PDE3B: variants seen among roughly 807,000 people sequenced by gnomAD.
PDE3B encodes the protein phosphodiesterase 3B.
PDE3B carries 66 observed loss-of-function variants against 116.8 expected under a neutral mutation model. The ratio of observed to expected loss-of-function variants is 0.56; its 90% confidence interval spans 0.46 to 0.69. The LOEUF (loss-of-function observed/expected upper bound fraction) is 0.69. Ranked by LOEUF, PDE3B falls within the 30% of genes least tolerant of loss-of-function variation. The probability of loss-of-function intolerance (pLI) is 0.00; values close to 1 mark genes in which losing one functional copy is unlikely to be tolerated. For synonymous variants in PDE3B, 595 were observed against 533.6 expected, an observed-to-expected ratio of 1.12 and a Z score of -1.59; for missense variants, 1,384 against 1,368.1, an observed-to-expected ratio of 1.01 and a Z score of -0.18.
chr11:14,688,466 T>C (rs890074161), intron 1 of PDE3B, among the ~76,000 whole-genome samples: 1 of 152,140 alleles, frequency 6.6e-6, no homozygotes, highest in African/African-American at 2.4e-5. Context: ...GTAGTGTGTT[T>C]ACAATGAGGC....
chr11:14,861,123 A>C, intron 13 of PDE3B, 82 bp from the exon 14 acceptor site: 1 of 1,046,490 alleles, frequency 9.6e-7, no homozygotes, highest in Non-Finnish European at 1.4e-6. Context: ...AACAGTTTTA[A>C]GATAATTTGG....
chr11:14,669,461 A>G (rs1202401729), intron 1 of PDE3B, among the ~76,000 whole-genome samples: 1 of 152,168 alleles, frequency 6.6e-6, no homozygotes, highest in African/African-American at 2.4e-5. Flanking sequence ...TATTCGTAAC[A>G]CTACCTTTTT....
At chr11:14,722,116 A>C (rs1266350851) in intron 1 of PDE3B, among the ~76,000 whole-genome samples, 1 of 151,106 alleles carries the variant, frequency 6.6e-6, no homozygotes, top group Admixed American at 6.6e-5. Context: ...CAATGAGAAC[A>C]CATGGACACA....
intron 10 of PDE3B, 30 bp from the exon 11 acceptor site, chr11:14,834,952 C>A (rs781334471): frequency 4.6e-6 from 6 of 1,291,320 alleles, no homozygotes; most frequent in Non-Finnish European, 6.7e-6. Flanking sequence ...GTGTGTTAAA[C>A]CTAACAGAAA....
At chr11:14,856,047 T>C (rs1555006132) in intron 12 of PDE3B, among the ~76,000 whole-genome samples, 1 of 152,244 alleles carries the variant, frequency 6.6e-6, no homozygotes, top group Admixed American at 6.5e-5. Context: ...TCCTCACATG[T>C]CAAGGGCAGG....
intron 12 of PDE3B, among the ~76,000 whole-genome samples, chr11:14,856,754 T>C (rs1183973343): frequency 6.0e-5 from 9 of 151,200 alleles, no homozygotes; most frequent in Admixed American, 4.6e-4. Context: ...CTCGGGAGGC[T>C]GAGGCAGGAG....
intron 12 of PDE3B, among the ~76,000 whole-genome samples, chr11:14,858,336 G>A (rs1471225719): frequency 2.0e-5 from 3 of 152,136 alleles, no homozygotes; most frequent in African/African-American, 4.8e-5. Flanking sequence ...AGAGGTGGAA[G>A]AGGCTTTAGA....
chr11:14,716,453 C>A (rs1463985718), intron 1 of PDE3B, among the ~76,000 whole-genome samples: 4 of 151,398 alleles, frequency 2.6e-5, no homozygotes, highest in Non-Finnish European at 4.4e-5. Context: ...CTGTAGGCTC[C>A]ACCTCTGGGG....
At chr11:14,791,160 G>A (rs759921248) in intron 4 of PDE3B, among the ~76,000 whole-genome samples, 2 of 152,018 alleles carry the variant, frequency 1.3e-5, no homozygotes, top group Non-Finnish European at 2.9e-5. Flanking sequence ...AATGCGTAGT[G>A]ATGTTTTGTT....
chr11:14,713,150 C>A (rs1855758343), intron 1 of PDE3B, among the ~76,000 whole-genome samples: 1 of 152,148 alleles, frequency 6.6e-6, no homozygotes, highest in South Asian at 2.1e-4. Flanking sequence ...AATAGTTACA[C>A]AAGTATCTGT....
intron 1 of PDE3B, among the ~76,000 whole-genome samples, chr11:14,681,968 T>C (rs907981532): frequency 2.0e-5 from 3 of 152,210 alleles, no homozygotes; most frequent in African/African-American, 7.2e-5. Flanking sequence ...ACCATCAACA[T>C]AAACAGTCAA....
chr11:14,675,513 C>T (rs562022857), intron 1 of PDE3B, among the ~76,000 whole-genome samples: 9 of 152,174 alleles, frequency 5.9e-5, no homozygotes, highest in Admixed American at 2.6e-4. Flanking sequence ...AACTTCTTTC[C>T]GGTCTGTTCC....
intron 1 of PDE3B, among the ~76,000 whole-genome samples, chr11:14,741,961 T>C (rs1337458582): frequency 2.0e-5 from 3 of 152,176 alleles, no homozygotes; most frequent in Non-Finnish European, 2.9e-5. Flanking sequence ...AGAGATCCGC[T>C]GTTAGTCTGA....
chr11:14,819,856 C>T (rs1385901734), intron 7 of PDE3B, among the ~76,000 whole-genome samples: 2 of 152,070 alleles, frequency 1.3e-5, no homozygotes, highest in East Asian at 3.9e-4. Context: ...GAGTTTGGGG[C>T]TATCAAAAGA....
At chr11:14,840,899 G>GTT (rs1035128836) in intron 11 of PDE3B, among the ~76,000 whole-genome samples, 1 of 152,108 alleles carries the variant, frequency 6.6e-6, no homozygotes, top group African/African-American at 2.4e-5. Flanking sequence ...TAGTTAGGGG[G>GTT]TTTATGGCTA....
chr11:14,805,113 A>G (rs911726076), intron 5 of PDE3B, among the ~76,000 whole-genome samples: 2 of 152,200 alleles, frequency 1.3e-5, no homozygotes, highest in African/African-American at 4.8e-5. Flanking sequence ...TCGCAAAACT[A>G]ATAAAAGAAA....
intron 1 of PDE3B, among the ~76,000 whole-genome samples, chr11:14,701,541 A>G (rs1476684741): frequency 1.3e-5 from 2 of 151,734 alleles, no homozygotes; most frequent in Non-Finnish European, 3.0e-5. Context: ...CTCCAAAAGC[A>G]ATTACTCCTA....
At chr11:14,817,776 T>G (rs1040930483) in intron 5 of PDE3B, among the ~76,000 whole-genome samples, 121 of 152,318 alleles carry the variant, frequency 7.9e-4, no homozygotes, top group African/African-American at 2.7e-3. Flanking sequence ...TTAATTTTAT[T>G]GAATTGAAAA....
At chr11:14,670,914 C>G (rs1184948702) in intron 1 of PDE3B, among the ~76,000 whole-genome samples, 1 of 151,366 alleles carries the variant, frequency 6.6e-6, no homozygotes, top group African/African-American at 2.4e-5. Context: ...TCACCATGTT[C>G]CCCAGACTGG....
Sources: gnomAD v4.1 joint callset for allele counts (sites outside exome capture counted in the v4.1 genomes callset) on GRCh38, gnomAD v4.1.1 for gene constraint, MANE v1.5 for transcripts, NCBI Gene and HGNC (gene_info 2026-07-23, HGNC 2026-07-21) for gene names.